TSNARE1: variants seen among roughly 807,000 people sequenced by gnomAD.
TSNARE1 encodes the protein t-SNARE domain containing 1, also known as t-SNARE domain-containing protein 1.
In TSNARE1, 49 loss-of-function variants were observed where a neutral mutation model predicts 62.0. That is an observed-to-expected ratio of 0.79 (90% confidence interval 0.63 to 1.00). TSNARE1 has a LOEUF of 1.00. Among genes scored for constraint, TSNARE1 ranks in the 50% least tolerant of loss-of-function variants. The pLI, the probability that TSNARE1 is intolerant of heterozygous loss-of-function variation, is 0.00. For synonymous variants in TSNARE1, 328 were observed against 294.4 expected, an observed-to-expected ratio of 1.11 and a Z score of -1.17; for missense variants, 755 against 700.1, an observed-to-expected ratio of 1.08 and a Z score of -0.88.
At chr8:142,277,351 G>A in intron 11 of TSNARE1, 4 of 985,396 alleles carry the variant, frequency 4.1e-6, no homozygotes, top group African/African-American at 1.7e-5. Flanking sequence ...AAAGGAAACT[G>A]CCTGCCCAGT....
In TSNARE1 at chr8:142,342,232, C is replaced by T. The variant is rs137931372; in HGVS notation, c.745+1734G>A. Among the ~76,000 whole-genome samples the T allele has an allele frequency of 3.2e-4, 48 of 152,372 alleles. 1 individual carries two copies. The East Asian group carries it at 5.6e-3, about 18-fold the overall frequency. On this transcript the variant is annotated intron_variant, in intron 4 of 13. Coordinates refer to ENST00000524325, the MANE Select transcript of TSNARE1 (RefSeq NM_145003.5). ...GTTCCGGCAGCAAGGCCAAGTGACT[C>T]GGGGCCGGGACTGCCACTGCCTGCT... is the stretch of plus-strand genomic sequence containing the variant.
chr8:142,272,848 G>A (rs1291010791), intron 12 of TSNARE1: 22 of 984,518 alleles, frequency 2.2e-5, no homozygotes, highest in Non-Finnish European at 2.7e-5. Context: ...ATTCTATGCA[G>A]AGGCAACTTC....
At chr8:142,222,208 A>AT (rs1563754714) in intron 13 of TSNARE1, among the ~76,000 whole-genome samples, 9 of 47,660 alleles carry the variant, frequency 1.9e-4, no homozygotes, top group East Asian at 7.4e-4. Context: ...TCACTCACTC[A>AT]TCCGCTCATT....
chr8:142,361,409 C>T (rs762700692), intron 1 of TSNARE1, among the ~76,000 whole-genome samples: 2 of 152,210 alleles, frequency 1.3e-5, no homozygotes, highest in African/African-American at 4.8e-5. Flanking sequence ...CGGGCGAGCC[C>T]AGGGCTGAGC....
At chr8:142,256,296 A>C (rs975232339) in intron 12 of TSNARE1, among the ~76,000 whole-genome samples, 1,305 of 30,446 alleles carry the variant, frequency 0.043, no homozygotes, top group Non-Finnish European at 0.049. Flanking sequence ...TCATCACCAC[A>C]CCCACCACCA....
chr8:142,293,343 G>A (rs1824132751), intron 10 of TSNARE1, among the ~76,000 whole-genome samples: 1 of 152,228 alleles, frequency 6.6e-6, no homozygotes. Context: ...AGATCCCAGC[G>A]TGGCAGGAGG....
chr8:142,358,780 AC>A lies in TSNARE1; in HGVS notation c.-39-4018del, dbSNP rs568103524. Among the ~76,000 whole-genome samples the A allele has an allele frequency of 2.2e-3, 341 of 151,816 alleles. 3 individuals are homozygous for A. Among genetic ancestry groups the A allele is most frequent in the Non-Finnish European group, 3.5e-3 (238 of 67,904 alleles). ...GGACACCTGGAATCCAGTGGGTGCA[AC>A]CCCCCCATCGCTGGGAGACCACAAG... On this transcript the variant is annotated intron_variant, in intron 1 of 13. Coordinates refer to ENST00000524325, the MANE Select transcript of TSNARE1 (RefSeq NM_145003.5).
chr8:142,268,300 T>C (rs1243894705), intron 12 of TSNARE1, among the ~76,000 whole-genome samples: 1 of 152,236 alleles, frequency 6.6e-6, no homozygotes, highest in Non-Finnish European at 1.5e-5. Context: ...TGGAGACACA[T>C]GGACCAGGAC....
intron 7 of TSNARE1, among the ~76,000 whole-genome samples, chr8:142,315,853 A>ACCACAG (rs1195756139): frequency 6.6e-6 from 1 of 152,226 alleles, no homozygotes; most frequent in Non-Finnish European, 1.5e-5. Context: ...GGAGCAGCCT[A>ACCACAG]CCACAGCCTT....
intron 6 of TSNARE1, among the ~76,000 whole-genome samples, chr8:142,327,581 T>C (rs75359921): frequency 0.021 from 3,149 of 152,136 alleles, 41 homozygotes; most frequent in East Asian, 0.07. Context: ...CTCCGGGAGG[T>C]CAGCTCTTCA....
intron 12 of TSNARE1, among the ~76,000 whole-genome samples, chr8:142,256,280 TTACC>T (rs1818547808): frequency 8.3e-5 from 6 of 71,892 alleles, no homozygotes; most frequent in Admixed American, 1.2e-4. Context: ...ACCACCACCA[TTACC>T]ATCATCACCA....
At chr8:142,385,635 C>G (rs1475425897) in intron 1 of TSNARE1, among the ~76,000 whole-genome samples, 1 of 152,100 alleles carries the variant, frequency 6.6e-6, no homozygotes, top group Non-Finnish European at 1.5e-5. Context: ...TCATTTAAAG[C>G]TGACATTTCA....
chr8:142,319,453 A>T lies in TSNARE1; in HGVS notation c.894-819T>A, dbSNP rs1318826123. 6.6e-6 allele frequency among the ~76,000 whole-genome samples: 1 copy of T among 152,062 alleles called. No homozygotes were observed. The highest frequency in any genetic ancestry group is 1.5e-5 in the Non-Finnish European group (1 of 68,008). On this transcript the variant is annotated intron_variant, in intron 6 of 13. Transcript: ENST00000524325. The surrounding 1 kb of genome is among the most constrained non-coding windows in gnomAD (Gnocchi z 4.9). ...GACCTCGAAAGCAACTGGGAAGACC[A>T]GCCCGTCTCCCGCTTGGGGTTCGCC...
At chr8:142,297,852 G>A (rs1825028561) in intron 10 of TSNARE1, among the ~76,000 whole-genome samples, 1 of 152,206 alleles carries the variant, frequency 6.6e-6, no homozygotes, top group African/African-American at 2.4e-5. Context: ...AAGGGAGGGA[G>A]TGATGCAGTG....
At position 142,385,135 on chromosome 8, in the gene TSNARE1, G is replaced by A. The variant is rs118176463; in HGVS notation, c.-40+17969C>T. Among the ~76,000 whole-genome samples, 292 of 152,230 alleles carry A rather than the reference G, an allele frequency of 1.9e-3. 3 individuals carry two copies. In the East Asian group the frequency reaches 0.028, roughly 15 times the overall value. ...AGGGAGGGAGGGAGGAAGGCAGGCA[G>A]GCAGGCACTTATAAAGGGAGGAAAA... is the stretch of plus-strand genomic sequence containing the variant. On this transcript the variant is annotated intron_variant, in intron 1 of 13. Coordinates refer to ENST00000524325, the MANE Select transcript of TSNARE1 (RefSeq NM_145003.5).
At chr8:142,299,208 G>C (rs1389305636) in intron 10 of TSNARE1, among the ~76,000 whole-genome samples, 1 of 152,232 alleles carries the variant, frequency 6.6e-6, no homozygotes, top group Non-Finnish European at 1.5e-5. Flanking sequence ...CAGGGAGGTG[G>C]GGGCCACAGA....
chr8:142,340,379 C>T lies in TSNARE1; in HGVS notation c.745+3587G>A, dbSNP rs57326510. ...GGGGCATGGCTCCACTCACAGGAAA[C>T]GTCCAGAACAGGCAAAGCCGCAGGC... On this transcript the variant is annotated intron_variant, in intron 4 of 13. Coordinates refer to ENST00000524325, the MANE Select transcript of TSNARE1 (RefSeq NM_145003.5). 2.4e-3 allele frequency among the ~76,000 whole-genome samples: 372 copies of T among 152,258 alleles called. 3 individuals carry two copies. Among genetic ancestry groups the T allele is most frequent in the African/African-American group, 8.4e-3 (351 of 41,554 alleles).
intron 1 of TSNARE1, among the ~76,000 whole-genome samples, chr8:142,399,832 G>A (rs68095309): frequency 0.31 from 47,203 of 152,088 alleles, 9,633 homozygotes; most frequent in African/African-American, 0.57. Flanking sequence ...CAAGGTCAAA[G>A]TCTACTTGTA....
intron 12 of TSNARE1, among the ~76,000 whole-genome samples, chr8:142,256,301 C>T (rs369514798): frequency 8.5e-5 from 11 of 130,074 alleles, no homozygotes; most frequent in African/African-American, 1.2e-4. Context: ...ACCACACCCA[C>T]CACCACCATC....
Sources: gnomAD v4.1 joint callset for allele counts (sites outside exome capture counted in the v4.1 genomes callset) on GRCh38, gnomAD v4.1.1 for gene constraint, Gnocchi (gnomAD v3.1) non-coding constraint, MANE v1.5 for transcripts, NCBI Gene and HGNC (gene_info 2026-07-23, HGNC 2026-07-21) for gene names.